The following RAB38 variants were observed in gnomAD, a reference collection of about 807,000 sequenced individuals.
RAB38 encodes the protein ras-related protein Rab-38.
In RAB38, 15 loss-of-function variants were observed where a neutral mutation model predicts 18.4. That is an observed-to-expected ratio of 0.82 (90% confidence interval 0.55 to 1.26). The LOEUF (loss-of-function observed/expected upper bound fraction) is 1.26, where lower values mean the gene tolerates loss of function less well. RAB38 is among the 50% of genes most tolerant of loss of function. RAB38 has a pLI of 0.00. For missense variants in RAB38, 294 were observed against 267.4 expected, an observed-to-expected ratio of 1.10 and a Z score of -0.69; for synonymous variants, 101 against 104.4, an observed-to-expected ratio of 0.97 and a Z score of 0.20.
chr11:87,946,246 C>T, the RAB38 span, among the ~76,000 whole-genome samples: 2 of 152,090 alleles, frequency 1.3e-5, no homozygotes, highest in Non-Finnish European at 2.9e-5. Context: ...CTTTAGAATA[C>T]TGGTCAGTTA....
At chr11:88,104,466 C>A in the RAB38 span, among the ~76,000 whole-genome samples, 77 of 152,132 alleles carry the variant, frequency 5.1e-4, no homozygotes, top group African/African-American at 1.7e-3. Flanking sequence ...AAAACAAAAT[C>A]TTTTGAGCCA....
In RAB38 at chr11:88,140,219, C is replaced by G. The variant is rs566033105; in HGVS notation, c.483+9456G>C. On this transcript the variant is annotated intron_variant, in intron 2 of 2. Transcript: ENST00000243662. ...TTTCTTCTTTACTTCTCCATCCACA[C>G]TGCAGGGCACAACAATCTCCCTCCT... 2.0e-5 allele frequency among the ~76,000 whole-genome samples: 3 copies of G among 152,306 alleles called. No individual in the cohort carries two copies. In the South Asian group the frequency reaches 6.2e-4, roughly 32 times the overall value.
downstream of RAB38, among the ~76,000 whole-genome samples, chr11:88,110,315 TG>T (rs1265805324): frequency 1.3e-5 from 2 of 151,648 alleles, no homozygotes; most frequent in African/African-American, 2.4e-5. Flanking sequence ...AAGTGGGAGT[TG>T]AACAATGAGA....
At chr11:88,071,081 C>G in the RAB38 span, among the ~76,000 whole-genome samples, 5 of 152,034 alleles carry the variant, frequency 3.3e-5, no homozygotes, top group African/African-American at 1.2e-4. Context: ...ACTAGATGCT[C>G]AAAAGAAAGA....
At chr11:87,830,941 G>A in the RAB38 span, among the ~76,000 whole-genome samples, 1 of 151,958 alleles carries the variant, frequency 6.6e-6, no homozygotes, top group Non-Finnish European at 1.5e-5. Flanking sequence ...TGGGACTATA[G>A]GCATGTGCCA....
chr11:88,172,029 A>C (rs984466450), intron 1 of RAB38, among the ~76,000 whole-genome samples: 2 of 152,248 alleles, frequency 1.3e-5, no homozygotes, highest in Non-Finnish European at 1.5e-5. Context: ...TAATGAAACA[A>C]CACCTTTAAA....
At chr11:87,845,235 A>T in the RAB38 span, among the ~76,000 whole-genome samples, 1 of 152,182 alleles carries the variant, frequency 6.6e-6, no homozygotes, top group Non-Finnish European at 1.5e-5. Context: ...AAAGCAAAAG[A>T]TAGTAACACT....
At chr11:88,103,457 C>G in the RAB38 span, among the ~76,000 whole-genome samples, 5 of 152,064 alleles carry the variant, frequency 3.3e-5, no homozygotes, top group Non-Finnish European at 7.4e-5. Context: ...TATTCTGTCT[C>G]TCTCCCGTTT....
chr11:88,136,719 G>C (rs1367640860), intron 2 of RAB38, among the ~76,000 whole-genome samples: 1 of 152,224 alleles, frequency 6.6e-6, no homozygotes, highest in African/African-American at 2.4e-5. Context: ...ATGGTCTAAA[G>C]AGTGTATAGA....
At chr11:88,073,100 A>G in the RAB38 span, among the ~76,000 whole-genome samples, 2 of 152,174 alleles carry the variant, frequency 1.3e-5, no homozygotes, top group Non-Finnish European at 2.9e-5. Context: ...GTCAGGGTGG[A>G]CAATCAACTT....
the RAB38 span, among the ~76,000 whole-genome samples, chr11:88,051,907 T>C: frequency 6.6e-6 from 1 of 152,154 alleles, no homozygotes; most frequent in Non-Finnish European, 1.5e-5. Flanking sequence ...GTAGATCACC[T>C]GAGGTCAGGA....
intron 2 of RAB38, among the ~76,000 whole-genome samples, chr11:88,118,509 T>C (rs1942587457): frequency 6.6e-6 from 1 of 152,192 alleles, no homozygotes; most frequent in Non-Finnish European, 1.5e-5. Flanking sequence ...ATTTTCTGGG[T>C]GATTGTATAG....
chr11:88,021,038 G>A, the RAB38 span, among the ~76,000 whole-genome samples: 1 of 152,040 alleles, frequency 6.6e-6, no homozygotes, highest in Non-Finnish European at 1.5e-5. Flanking sequence ...GCGTCTTAAA[G>A]AACTAGAAAA....
At chr11:87,850,713 G>GCC in the RAB38 span, among the ~76,000 whole-genome samples, 2 of 77,438 alleles carry the variant, frequency 2.6e-5, no homozygotes, top group Admixed American at 1.6e-4. Context: ...CCACAACACT[G>GCC]CCACACACAC....
At chr11:87,929,498 A>G in the RAB38 span, among the ~76,000 whole-genome samples, 1 of 151,682 alleles carries the variant, frequency 6.6e-6, no homozygotes, top group African/African-American at 2.4e-5. Context: ...ATTTCAAATA[A>G]TCATTTGGAA....
At chr11:87,823,483 T>G in the RAB38 span, among the ~76,000 whole-genome samples, 1 of 152,264 alleles carries the variant, frequency 6.6e-6, no homozygotes, top group Non-Finnish European at 1.5e-5. Context: ...AGAAAAAATT[T>G]CCTTTTACAC....
chr11:87,977,360 A>G, the RAB38 span, among the ~76,000 whole-genome samples: 216 of 115,608 alleles, frequency 1.9e-3, 2 homozygotes, highest in East Asian at 5.0e-3. Flanking sequence ...TTATATAAGT[A>G]TATTATAAAA....
the RAB38 span, among the ~76,000 whole-genome samples, chr11:87,969,528 ACCT>A: frequency 1.3e-5 from 2 of 152,078 alleles, no homozygotes; most frequent in African/African-American, 4.8e-5. Flanking sequence ...TGATTTCAAA[ACCT>A]CCTTAATTTA....
At chr11:87,832,766 C>T in the RAB38 span, among the ~76,000 whole-genome samples, 5 of 144,318 alleles carry the variant, frequency 3.5e-5, no homozygotes, top group Admixed American at 3.5e-4. Flanking sequence ...ATTGGATCCA[C>T]CTAGATCACT....
Sources: gnomAD v4.1 joint callset for allele counts (sites outside exome capture counted in the v4.1 genomes callset) on GRCh38, gnomAD v4.1.1 for gene constraint, MANE v1.5 for transcripts, NCBI Gene and HGNC (gene_info 2026-07-23, HGNC 2026-07-21) for gene names.